The following ECD variants were observed in gnomAD, a reference collection of about 807,000 sequenced individuals.
ECD encodes the protein ecdysoneless cell cycle regulator.
A neutral mutation model predicts 77.2 loss-of-function variants in ECD; 59 were observed. That is an observed-to-expected ratio of 0.76 (90% CI 0.62 to 0.95). The LOEUF (loss-of-function observed/expected upper bound fraction) is 0.95, where lower values mean the gene tolerates loss of function less well. ECD is among the 40% of genes least tolerant of loss of function. The pLI is 0.00. For missense variants in ECD, 704 were observed against 763.4 expected, an observed-to-expected ratio of 0.92 and a Z score of 0.92; for synonymous variants, 233 against 267.4, an observed-to-expected ratio of 0.87 and a Z score of 1.26.
At chr10:73,162,920 T>A in intron 2 of ECD, among the ~76,000 whole-genome samples, 1 of 152,198 alleles carries the variant, frequency 6.6e-6, no homozygotes, top group Non-Finnish European at 1.5e-5. Flanking sequence ...AGGGCATAGC[T>A]GGGAACATAC....
At position 73,148,413 on chromosome 10, in the gene ECD, G is replaced by C. The variant is rs370461024; in HGVS notation, c.913-9C>G. On this transcript the variant is annotated splice_polypyrimidine_tract_variant and intron_variant, in intron 7 of 13. Transcript: ENST00000372979. ...ATCTCAAATCCATGAGCCTAGATGAGATAGGTAGAATTTTTGTTACTAAGT... is the reference window on the plus strand; with the variant it reads ...ATCTCAAATCCATGAGCCTAGATGACATAGGTAGAATTTTTGTTACTAAGT... 1.2e-6 allele frequency: 2 copies of C among 1,604,000 alleles called. No individual in the cohort carries two copies. The highest frequency in any genetic ancestry group is 2.7e-5 in the African/African-American group (2 of 74,364).
intron 5 of ECD, among the ~76,000 whole-genome samples, chr10:73,155,144 C>T (rs969918124): frequency 6.6e-6 from 1 of 151,848 alleles, no homozygotes; most frequent in Admixed American, 6.6e-5. Flanking sequence ...CACCTCCCTG[C>T]AACCTCCACC....
intron 9 of ECD, among the ~76,000 whole-genome samples, chr10:73,142,915 C>T (rs1174669433): frequency 6.6e-6 from 1 of 152,122 alleles, no homozygotes; most frequent in Non-Finnish European, 1.5e-5. Flanking sequence ...GAAAGGCCTT[C>T]CTTGACTAAT....
At chr10:73,144,530 G>A (rs184840499) in intron 9 of ECD, among the ~76,000 whole-genome samples, 1 of 152,288 alleles carries the variant, frequency 6.6e-6, no homozygotes, top group African/African-American at 2.4e-5. Context: ...GGTTACCAGA[G>A]GCTGGGAAGG....
intron 7 of ECD, 61 bp downstream of exon 7, chr10:73,152,232 T>C (rs1335829261): frequency 6.4e-7 from 1 of 1,564,388 alleles, no homozygotes; most frequent in African/African-American, 1.4e-5. Context: ...ATTGTGCCAC[T>C]ATTCTATTAA....
chr10:73,152,508 C>A, intron 6 of ECD, 87 bp from the exon 7 acceptor site: 1 of 1,430,986 alleles, frequency 7.0e-7, no homozygotes. Context: ...ATGAGAAGTC[C>A]ATTTATAAGC....
At chr10:73,160,406 T>C in intron 3 of ECD, 28 bp downstream of exon 3, 1 of 1,472,420 alleles carries the variant, frequency 6.8e-7, no homozygotes, top group Middle Eastern at 1.8e-4. Flanking sequence ...ATAGAATTCC[T>C]TTAGAATAAT....
chr10:73,139,392 C>G lies in ECD; in HGVS notation c.1338G>C (p.Gln446His). The G allele has an allele frequency of 1.2e-6, 2 of 1,614,138 alleles. No homozygotes were observed. Among genetic ancestry groups the G allele is most frequent in the Non-Finnish European group, 1.7e-6 (2 of 1,180,018 alleles). Residue 446 changes from glutamine (Q) to histidine (H), a missense_variant, in exon 11 of 14, where the codon CAG becomes CAC. Around this residue, in one of 3 missense-constraint regions of ECD, gnomAD observed 559 missense variants for 583.7 expected, o/e 0.96. Coordinates refer to ENST00000372979, the MANE Select transcript of ECD (RefSeq NM_007265.3). ...SESVSKEEKE[Q>H]NYDLTEVSES... Reference sequence around the variant, plus strand: ...CTGAGACTTCAGTTAAGTCATAGTTCTGCTCCTTCTCCTCCTTGGAAACAG... The same window carrying G: ...CTGAGACTTCAGTTAAGTCATAGTTGTGCTCCTTCTCCTCCTTGGAAACAG...
chr10:73,135,095 T>C (rs966431046), intron 13 of ECD, among the ~76,000 whole-genome samples: 3 of 152,146 alleles, frequency 2.0e-5, no homozygotes, highest in Non-Finnish European at 4.4e-5. Context: ...CAAGGGCTAA[T>C]AGAATTAAGA....
intron 1 of ECD, among the ~76,000 whole-genome samples, chr10:73,164,985 G>C (rs77828663): frequency 6.6e-6 from 1 of 152,006 alleles, no homozygotes; most frequent in African/African-American, 2.4e-5. Context: ...AATATATTTC[G>C]AGAAACACTG....
chr10:73,148,433 C>T (rs759305232), intron 7 of ECD, 29 bp from the exon 8 acceptor site: 1 of 1,601,992 alleles, frequency 6.2e-7, no homozygotes, highest in Non-Finnish European at 8.5e-7. Context: ...ATTTTTGTTA[C>T]TAAGTTCCTT....
rs754659883 is a variant in ECD at position 73,134,809 on chromosome 10, G to A, written c.1709C>T (p.Pro570Leu). ...KSFTTRNQVE[P>L]VSQTTDNNSD... ...ATTGTTATCGGTAGTCTGGGATACAGGTTCCTTATTCATAGAGGGAAAAGA... is the reference window on the plus strand; with the variant it reads ...ATTGTTATCGGTAGTCTGGGATACAAGTTCCTTATTCATAGAGGGAAAAGA... Residue 570 changes from proline to leucine, a missense_variant, in exon 14 of 14, where the codon CCT (proline) becomes CTT (leucine). By Grantham distance (98) the Pro-to-Leu change is moderately conservative. Transcript: ENST00000372979. 8.7e-6 allele frequency: 14 copies of A among 1,613,806 alleles called. No homozygotes were observed. Among genetic ancestry groups the A allele is most frequent in the Non-Finnish European group, 1.2e-5 (14 of 1,179,774 alleles).
intron 1 of ECD, among the ~76,000 whole-genome samples, chr10:73,165,840 C>T (rs1843451113): frequency 2.6e-5 from 4 of 151,950 alleles, no homozygotes; most frequent in African/African-American, 9.7e-5. Flanking sequence ...CTCATCTGAA[C>T]TTCGTTATTT....
At chr10:73,153,462 TGC>T (rs1054343158) in intron 6 of ECD, among the ~76,000 whole-genome samples, 1 of 149,586 alleles carries the variant, frequency 6.7e-6, no homozygotes, top group African/African-American at 2.4e-5. Context: ...TTAGGCTGGG[TGC>T]GGTGGCTCAC....
At chr10:73,139,585 AT>A (rs546818557) in intron 10 of ECD, 45 bp downstream of exon 10, 42,827 of 977,064 alleles carry the variant, frequency 0.044, 1 homozygote, top group South Asian at 0.065. Context: ...GAACATTTTA[AT>A]TTTTTTTTTT....
chr10:73,138,855 G>A (rs575183156), intron 11 of ECD, among the ~76,000 whole-genome samples: 7 of 152,152 alleles, frequency 4.6e-5, no homozygotes, highest in Non-Finnish European at 7.4e-5. Flanking sequence ...ATGAGCCACC[G>A]CGCCCAGCCT....
At chr10:73,154,505 T>C in intron 5 of ECD, 57 bp from the exon 6 acceptor site, 2 of 1,440,250 alleles carry the variant, frequency 1.4e-6, no homozygotes, top group Middle Eastern at 1.8e-4. Flanking sequence ...CTATAATTCT[T>C]ATACCATTCA....
intron 1 of ECD, among the ~76,000 whole-genome samples, chr10:73,167,619 A>G (rs1038795092): frequency 6.6e-6 from 1 of 152,110 alleles, no homozygotes. Flanking sequence ...TTCAACCCAG[A>G]GGGACAGACA....
chr10:73,136,689 T>TA lies in ECD; in HGVS notation c.1704+14dup. The TA allele has an allele frequency of 6.2e-7, 1 of 1,612,392 alleles. No individual in the cohort carries two copies. The highest frequency in any genetic ancestry group is 8.5e-7 in the Non-Finnish European group (1 of 1,178,862). ...ACTAGACTCAGAAAGAGAAAGAGGT[T>TA]AAAAACACACATACCACTTGGTTCC... On this transcript the variant is annotated intron_variant, in intron 13 of 13. Coordinates refer to ENST00000372979, the MANE Select transcript of ECD (RefSeq NM_007265.3).
Sources: gnomAD v4.1 joint callset for allele counts (sites outside exome capture counted in the v4.1 genomes callset) on GRCh38, gnomAD v4.1.1 for gene constraint, gnomAD v4.1.1 regional missense constraint, MANE v1.5 for transcripts, NCBI Gene and HGNC (gene_info 2026-07-23, HGNC 2026-07-21) for gene names.